Variants in CDKL5 observed in about 807,000 individuals in gnomAD.
The protein encoded by CDKL5 is cyclin dependent kinase like 5.
Under a neutral mutation model 61.7 loss-of-function variants are expected in CDKL5, and 8 were observed. The observed-to-expected ratio is 0.13, with a 90% CI of 0.08 to 0.23. CDKL5 has a LOEUF of 0.23. Among genes scored for constraint, CDKL5 ranks in the 10% least tolerant of loss-of-function variants. The probability of loss-of-function intolerance (pLI) is 1.00; values close to 1 mark genes in which losing one functional copy is unlikely to be tolerated. For missense variants in CDKL5, 440 were observed against 734.5 expected, an observed-to-expected ratio of 0.60 and a Z score of 4.63; for synonymous variants, 275 against 272.3, an observed-to-expected ratio of 1.01 and a Z score of -0.10.
chrX:18,439,485 C>T (rs1157502900), intron 1 of CDKL5, among the ~76,000 whole-genome samples: 1 of 110,198 alleles, frequency 9.1e-6, no homozygotes, highest in Non-Finnish European at 1.9e-5. Flanking sequence ...TAGACCACCA[C>T]CATAAAGCAA....
rs1254477718 is a variant in CDKL5, at chrX:18,638,443, T to G, written c.*9686T>G. 1 of 112,228 alleles carries G rather than the reference T, an allele frequency of 8.9e-6. No homozygotes were observed. The highest frequency in any genetic ancestry group is 3.2e-5 in the African/African-American group (1 of 30,862). The allele number at this position is 112,228 out of a possible 1,213,427, so 9.2% of individuals were successfully genotyped here. A position where few individuals can be genotyped will look rare whatever the true frequency, so the allele number is the denominator to read the frequency against. ...AGTTTTTCCTACACTATGTATAATT[T>G]TTAATTGAAAGTTTCCCCCACAAAA... On this transcript the variant is annotated 3_prime_UTR_variant, in exon 18 of 18. Coordinates refer to ENST00000623535, the MANE Select transcript of CDKL5 (RefSeq NM_001323289.2).
Position 18,438,789 on chromosome X carries a change from CAAAA to C in CDKL5, c.-163+13111_-163+13114del, listed in dbSNP as rs1196032367. On this transcript the variant is annotated intron_variant, in intron 1 of 17. Coordinates refer to ENST00000623535, the MANE Select transcript of CDKL5 (RefSeq NM_001323289.2). ...TGGGCGACAGAGCGAACCTCCGTCT[CAAAA>C]AAAAAAAAAAAAAAAAGACAAGGAT... Among the ~76,000 whole-genome samples the C allele has an allele frequency of 2.0e-4, 6 of 29,452 alleles. No individual in the cohort carries two copies. The South Asian group carries it at 9.9e-3, about 49-fold the overall frequency. The allele number at this position is 29,452 out of a possible 115,157, so 25.6% of individuals were successfully genotyped here. A position where few individuals can be genotyped will look rare whatever the true frequency, so the allele number is the denominator to read the frequency against.
At chrX:18,587,350 G>A (rs1223398778) in intron 8 of CDKL5, among the ~76,000 whole-genome samples, 3 of 111,052 alleles carry the variant, frequency 2.7e-5, no homozygotes, top group African/African-American at 9.8e-5. Context: ...ATGTTTTGAG[G>A]GAAATAGCTA....
At chrX:18,434,030 A>C (rs950996464) in intron 1 of CDKL5, among the ~76,000 whole-genome samples, 2 of 111,778 alleles carry the variant, frequency 1.8e-5, no homozygotes, top group African/African-American at 6.5e-5. Context: ...TTAACATGCA[A>C]GGTACTGTAA....
intron 4 of CDKL5, among the ~76,000 whole-genome samples, chrX:18,568,657 T>C (rs1036698307): frequency 9.0e-6 from 1 of 111,262 alleles, no homozygotes; most frequent in Admixed American, 9.6e-5. Context: ...TCTCTTCTTC[T>C]TCTTCTTCTT....
chrX:18,628,412 T>C lies in CDKL5; in HGVS notation c.2538T>C (p.Ser846=). ...CACTGCGCAAGTTGTTACATCTCTCTTCGGCCTCAAATCACCCGGCTTCCT... is the reference window on the plus strand; with the variant it reads ...CACTGCGCAAGTTGTTACATCTCTCCTCGGCCTCAAATCACCCGGCTTCCT... The part of the protein sequence containing the change: ...LKSLRKLLHL[S]SASNHPASSD... Residue 846 remains serine, a synonymous_variant, in exon 18 of 18, where the codon TCT becomes TCC. Coordinates refer to ENST00000623535, the MANE Select transcript of CDKL5 (RefSeq NM_001323289.2). 8.3e-7 allele frequency: 1 copy of C among 1,211,778 alleles called. No individual in the cohort carries two copies.
chrX:18,461,116 G>A (rs187227081), intron 1 of CDKL5, among the ~76,000 whole-genome samples: 33 of 111,946 alleles, frequency 2.9e-4, no homozygotes, highest in Admixed American at 2.9e-3. Flanking sequence ...TTGTCAATGA[G>A]TATCTAGTTA....
rs1173314171 is a variant in CDKL5, at chrX:18,637,484, C to T, written c.*8727C>T. 1.8e-5 allele frequency: 2 copies of T among 110,555 alleles called. No homozygotes were observed. Among genetic ancestry groups the T allele is most frequent in the Admixed American group, 9.7e-5 (1 of 10,336 alleles). The allele number at this position is 110,555 out of a possible 1,213,427, so 9.1% of individuals were successfully genotyped here. On this transcript the variant is annotated 3_prime_UTR_variant, in exon 18 of 18. Transcript: ENST00000623535. ...GGCTGAGGCAGGAGAATCACTTGAACCCAAAAGGCAGAGGTTGCAGTGAGC... is the reference window on the plus strand; with the variant it reads ...GGCTGAGGCAGGAGAATCACTTGAATCCAAAAGGCAGAGGTTGCAGTGAGC...
At chrX:18,478,007 T>G (rs1921382443) in intron 1 of CDKL5, among the ~76,000 whole-genome samples, 1 of 111,526 alleles carries the variant, frequency 9.0e-6, no homozygotes, top group African/African-American at 3.2e-5. Context: ...AGTGGCCCTT[T>G]AACAAAAATT....
intron 1 of CDKL5, among the ~76,000 whole-genome samples, chrX:18,446,959 C>A (rs142004978): frequency 8.9e-6 from 1 of 111,895 alleles, no homozygotes; most frequent in East Asian, 2.8e-4. Context: ...TTGCCAGGAG[C>A]CTTAGGCTTC....
intron 3 of CDKL5, among the ~76,000 whole-genome samples, chrX:18,529,321 C>T (rs1288369553): frequency 9.1e-6 from 1 of 109,702 alleles, no homozygotes; most frequent in Non-Finnish European, 1.9e-5. Flanking sequence ...CTCCTCCCTC[C>T]AGTCCCTTAT....
At position 18,604,060 on chromosome X, in the gene CDKL5, T is replaced by G. The variant is rs780808984; in HGVS notation, c.1136T>G (p.Leu379Arg). The G allele has an allele frequency of 2.5e-6, 3 of 1,209,285 alleles. No homozygotes were observed. The highest frequency in any genetic ancestry group is 3.4e-6 in the Non-Finnish European group (3 of 895,052). Residue 379 changes from leucine (L) to arginine (R), a missense_variant, in exon 12 of 18, where the codon CTG becomes CGG. Transcript: ENST00000623535. ...CTTGCTGGAGCTAGTCTTAGTCCAC[T>G]GCACACCAAAACCTACCAAGCAAGC... ...GNLAGASLSP[L>R]HTKTYQASSQ...
intron 3 of CDKL5, among the ~76,000 whole-genome samples, chrX:18,526,696 C>G (rs1448416187): frequency 9.0e-6 from 1 of 111,080 alleles, no homozygotes. Context: ...TTTCTGTATC[C>G]AGTGATAAGA....
chrX:18,462,821 C>T (rs1932319820), intron 1 of CDKL5, among the ~76,000 whole-genome samples: 1 of 110,837 alleles, frequency 9.0e-6, no homozygotes, highest in South Asian at 3.9e-4. Flanking sequence ...GTCAGGAGTT[C>T]GTGACCAGCC....
At chrX:18,642,107 C>T (rs1402116265), downstream of CDKL5, 12 of 1,210,961 alleles carry the variant, frequency 9.9e-6, no homozygotes, top group East Asian at 1.8e-4. Context: ...GATGGGGGGC[C>T]GCAGCAGGTT....
chrX:18,481,320 GTTTC>G (rs201816691), intron 1 of CDKL5, among the ~76,000 whole-genome samples: 10,927 of 84,526 alleles, frequency 0.13, 954 homozygotes, highest in African/African-American at 0.26. Context: ...AAGAGTCCTG[GTTTC>G]TTTCTTTCTT....
intron 14 of CDKL5, 54 bp downstream of exon 14, chrX:18,609,624 A>G: frequency 8.3e-7 from 1 of 1,201,453 alleles, no homozygotes; most frequent in Non-Finnish European, 1.1e-6. Context: ...CTCTCACTTT[A>G]TGTGCACACT....
At position 18,595,428 on chromosome X, in the gene CDKL5, G is replaced by A; in HGVS notation, c.825G>A (p.Lys275=). 8.9e-7 allele frequency: 1 copy of A among 1,122,385 alleles called. No homozygotes were observed. Among genetic ancestry groups the A allele is most frequent in the Non-Finnish European group, 1.2e-6 (1 of 814,285 alleles). The allele number at this position is 1,122,385 out of a possible 1,213,427, so 92.5% of individuals were successfully genotyped here. A position where few individuals can be genotyped will look rare whatever the true frequency, so the allele number is the denominator to read the frequency against. ...ATAGTGTTCTACTTGACCTAATGAA[G>A]GTAAGGCCAATTGATATTATCTCTA... ...ILNSVLLDLM[K]NLLKLDPADR... The change falls in exon 10 of 18, where the codon AAG becomes AAA. Residue 275 remains lysine (K), a splice_region_variant and synonymous_variant. Transcript: ENST00000623535.
chrX:18,634,324 A>G lies in CDKL5; in HGVS notation c.*5567A>G, dbSNP rs1927321431. The stretch of plus-strand genomic sequence containing the variant: ...CTGATCTGATTTCTTTCAGGGGTAG[A>G]CAAGCTTGTCCTAGTGCTCTGCTTC... On this transcript the variant is annotated 3_prime_UTR_variant, in exon 18 of 18. Coordinates refer to ENST00000623535, the MANE Select transcript of CDKL5 (RefSeq NM_001323289.2). The G allele has an allele frequency of 1.3e-6, 1 of 752,047 alleles. No homozygotes were observed. Among genetic ancestry groups the G allele is most frequent in the South Asian group, 6.8e-5 (1 of 14,653 alleles). The allele number at this position is 752,047 out of a possible 1,213,427, so 62.0% of individuals were successfully genotyped here. A position where few individuals can be genotyped will look rare whatever the true frequency, so the allele number is the denominator to read the frequency against.
Sources: gnomAD v4.1 joint callset for allele counts (sites outside exome capture counted in the v4.1 genomes callset) on GRCh38, gnomAD v4.1.1 for gene constraint, MANE v1.5 for transcripts, NCBI Gene and HGNC (gene_info 2026-07-23, HGNC 2026-07-21) for gene names.